ARID5B: variants seen among roughly 807,000 people sequenced by gnomAD.
ARID5B encodes the protein AT-rich interaction domain 5B, also known as AT-rich interactive domain-containing protein 5B.
In ARID5B, 13 loss-of-function variants were observed where a neutral mutation model predicts 97.2. The ratio of observed to expected loss-of-function variants is 0.13; its 90% CI spans 0.09 to 0.21. The LOEUF is 0.21. ARID5B is among the 10% of genes least tolerant of loss of function. ARID5B has a pLI of 1.00. For synonymous variants in ARID5B, 556 were observed against 570.3 expected, an observed-to-expected ratio of 0.97 and a Z score of 0.36; for missense variants, 1,210 against 1,465.3, an observed-to-expected ratio of 0.83 and a Z score of 2.84.
chr10:62,019,193 TTA>T (rs1011877066), intron 4 of ARID5B, among the ~76,000 whole-genome samples: 3 of 152,164 alleles, frequency 2.0e-5, no homozygotes, highest in Admixed American at 2.0e-4. Flanking sequence ...GAGAAGTGGT[TTA>T]TGTTAGAATA....
intron 4 of ARID5B, among the ~76,000 whole-genome samples, chr10:62,022,469 T>C (rs1443157508): frequency 6.6e-6 from 1 of 152,186 alleles, no homozygotes; most frequent in African/African-American, 2.4e-5. Flanking sequence ...GAGCTGGCCC[T>C]CTCCTGTTCC....
chr10:61,936,540 C>T (rs1169475533), intron 2 of ARID5B, among the ~76,000 whole-genome samples: 1 of 152,180 alleles, frequency 6.6e-6, no homozygotes, highest in Non-Finnish European at 1.5e-5. Context: ...ATCGCTTGAA[C>T]CTGAGAGGCA....
intron 3 of ARID5B, among the ~76,000 whole-genome samples, chr10:61,984,185 G>A (rs1437281076): frequency 6.6e-6 from 1 of 152,086 alleles, no homozygotes; most frequent in Non-Finnish European, 1.5e-5. Context: ...TTCATCCCCT[G>A]GGCTCCACTG....
chr10:62,019,600 T>A (rs1042064861), intron 4 of ARID5B, among the ~76,000 whole-genome samples: 2 of 152,318 alleles, frequency 1.3e-5, no homozygotes, highest in Middle Eastern at 3.4e-3. Context: ...GGTTTAAGAG[T>A]ATTATTATGT....
chr10:61,984,374 T>G (rs1182301437), intron 3 of ARID5B, among the ~76,000 whole-genome samples: 1 of 152,244 alleles, frequency 6.6e-6, no homozygotes, highest in Non-Finnish European at 1.5e-5. Flanking sequence ...GCTGACTGCA[T>G]GAGGAAAGCA....
chr10:61,992,716 A>C (rs1838943575), intron 3 of ARID5B, among the ~76,000 whole-genome samples: 1 of 151,876 alleles, frequency 6.6e-6, no homozygotes, highest in Non-Finnish European at 1.5e-5. Context: ...GTTTTTTTTT[A>C]GTTAATAAAG....
chr10:61,992,715 T>A (rs900142273), intron 3 of ARID5B, among the ~76,000 whole-genome samples: 1 of 152,202 alleles, frequency 6.6e-6, no homozygotes, highest in African/African-American at 2.4e-5. Flanking sequence ...AGTTTTTTTT[T>A]AGTTAATAAA....
At chr10:61,909,484 G>C (rs1367929277) in intron 2 of ARID5B, among the ~76,000 whole-genome samples, 1 of 151,908 alleles carries the variant, frequency 6.6e-6, no homozygotes, top group East Asian at 1.9e-4. Context: ...AGCCACCGCG[G>C]CCGGCTAATT....
intron 4 of ARID5B, among the ~76,000 whole-genome samples, chr10:62,024,319 C>T (rs1839392612): frequency 6.6e-6 from 1 of 152,152 alleles, no homozygotes; most frequent in Non-Finnish European, 1.5e-5. Context: ...TAAGAGACTC[C>T]TAATTTTGAC....
intron 4 of ARID5B, among the ~76,000 whole-genome samples, chr10:62,019,943 G>A (rs991620823): frequency 3.9e-5 from 6 of 152,136 alleles, no homozygotes; most frequent in Admixed American, 1.3e-4. Context: ...TTTTCTTACA[G>A]ATTTCCTAGG....
chr10:62,004,364 T>C (rs1009566699), intron 4 of ARID5B, among the ~76,000 whole-genome samples: 3 of 152,232 alleles, frequency 2.0e-5, no homozygotes, highest in African/African-American at 7.2e-5. Context: ...TATGCTCTTT[T>C]CTTAGCACAA....
At chr10:61,970,349 G>A (rs1838608140) in intron 3 of ARID5B, among the ~76,000 whole-genome samples, 1 of 152,208 alleles carries the variant, frequency 6.6e-6, no homozygotes, top group African/African-American at 2.4e-5. Flanking sequence ...GGGCACTGGA[G>A]GAACACGAAG....
chr10:61,929,705 T>C (rs943503538), intron 2 of ARID5B, among the ~76,000 whole-genome samples: 12 of 152,236 alleles, frequency 7.9e-5, no homozygotes, highest in African/African-American at 2.9e-4. Context: ...GCTACACTTA[T>C]TCCCTTTGAG....
At chr10:61,977,449 G>C (rs1177494396) in intron 3 of ARID5B, among the ~76,000 whole-genome samples, 2 of 152,176 alleles carry the variant, frequency 1.3e-5, no homozygotes. Flanking sequence ...TTCTACAATG[G>C]TTGAGCTAGT....
In ARID5B at chr10:61,976,789, C is replaced by T. The variant is rs916558727; in HGVS notation, c.503-23302C>T. ...CTCTGCCACACAGGATCTTAAATTACGTAGCACTTCACAGTTCCATTTTGA... is the reference window on the plus strand; with the variant it reads ...CTCTGCCACACAGGATCTTAAATTATGTAGCACTTCACAGTTCCATTTTGA... On this transcript the variant is annotated intron_variant, in intron 3 of 9. Transcript: ENST00000279873. Among the ~76,000 whole-genome samples the T allele has an allele frequency of 3.3e-5, 5 of 151,984 alleles. No individual in the cohort carries two copies. In the East Asian group the frequency reaches 7.7e-4, roughly 23 times the overall value.
intron 2 of ARID5B, among the ~76,000 whole-genome samples, chr10:61,914,756 T>C (rs562125499): frequency 1.3e-5 from 2 of 152,270 alleles, no homozygotes; most frequent in African/African-American, 2.4e-5. Context: ...AAATAAAATA[T>C]CTCATTTAAT....
rs1235760281 is a variant in ARID5B, at chr10:62,094,837, A to T, written c.*1807A>T. 4.3e-6 allele frequency: 1 copy of T among 231,284 alleles called. No homozygotes were observed. The highest frequency in any genetic ancestry group is 8.6e-6 in the Non-Finnish European group (1 of 116,740). 14.3% of individuals were successfully genotyped at this position (231,284 alleles called of 1,614,324 possible). A position where few individuals can be genotyped will look rare whatever the true frequency, so the allele number is the denominator to read the frequency against. ...GTTAACTAAGTCTTTTACCTCTGAG[A>T]TACTTAATTCTGGGAAAATTGGTGA... On this transcript the variant is annotated 3_prime_UTR_variant, in exon 10 of 10. Coordinates refer to ENST00000279873, the MANE Select transcript of ARID5B (RefSeq NM_032199.3).
intron 2 of ARID5B, among the ~76,000 whole-genome samples, chr10:61,911,160 C>T (rs1253058679): frequency 6.6e-6 from 1 of 152,150 alleles, no homozygotes; most frequent in African/African-American, 2.4e-5. Flanking sequence ...GCTTTCTACA[C>T]CCTCAAGCAT....
At chr10:62,010,938 G>A (rs1839208797) in intron 4 of ARID5B, among the ~76,000 whole-genome samples, 1 of 152,168 alleles carries the variant, frequency 6.6e-6, no homozygotes, top group Non-Finnish European at 1.5e-5. Context: ...CTATGGGTCA[G>A]GAATATAATA....
Sources: gnomAD v4.1 joint callset for allele counts (sites outside exome capture counted in the v4.1 genomes callset) on GRCh38, gnomAD v4.1.1 for gene constraint, MANE v1.5 for transcripts, NCBI Gene and HGNC (gene_info 2026-07-23, HGNC 2026-07-21) for gene names.